NAV1: variants seen among roughly 807,000 people sequenced by gnomAD.
The protein encoded by NAV1 is neuron navigator 1.
Under a neutral mutation model 175.2 loss-of-function variants are expected in NAV1, and 18 were observed. The observed-to-expected ratio is 0.10, with a 90% CI of 0.07 to 0.15. The LOEUF is 0.15. Among genes scored for constraint, NAV1 ranks in the 10% least tolerant of loss-of-function variants. The pLI is 1.00. For missense variants in NAV1, 1,731 were observed against 2,436.6 expected (o/e 0.71, Z 6.10); for synonymous variants, 897 against 978.7 (o/e 0.92, Z 1.56).
chr1:201,670,059 C>T (rs747111587), intron 1 of NAV1, among the ~76,000 whole-genome samples: 2 of 151,586 alleles, frequency 1.3e-5, no homozygotes, highest in South Asian at 2.1e-4. Context: ...AATTTGATAA[C>T]AAAACCCTTT....
chr1:201,651,697 C>T (rs982823676), intron 1 of NAV1, among the ~76,000 whole-genome samples: 1 of 152,110 alleles, frequency 6.6e-6, no homozygotes, highest in Non-Finnish European at 1.5e-5. Flanking sequence ...GAGGAAGAGT[C>T]AGCAGGCAGA....
At chr1:201,576,155 C>T (rs1341849065) in intron 1 of NAV1, among the ~76,000 whole-genome samples, 1 of 152,230 alleles carries the variant, frequency 6.6e-6, no homozygotes, top group African/African-American at 2.4e-5. Flanking sequence ...GGCACGCCCA[C>T]TTCTCTCCTG....
chr1:201,601,923 G>C (rs1667524717), intron 2 of NAV1, among the ~76,000 whole-genome samples: 1 of 152,104 alleles, frequency 6.6e-6, no homozygotes, highest in African/African-American at 2.4e-5. Flanking sequence ...GTGTCGAGGA[G>C]GGGATCCACA....
chr1:201,800,764 G>A (rs770336295), intron 15 of NAV1, among the ~76,000 whole-genome samples: 2 of 147,676 alleles, frequency 1.4e-5, no homozygotes, highest in African/African-American at 5.0e-5. Context: ...ATATGGATAC[G>A]TATATTCATT....
rs558398681 is a variant in NAV1 at position 201,787,716 on chromosome 1, T to C, written c.2996-752T>C. 2.2e-6 allele frequency: 1 copy of C among 456,176 alleles called. No individual in the cohort carries two copies. The highest frequency in any genetic ancestry group is 4.4e-6 in the Non-Finnish European group (1 of 226,926). The allele number at this position is 456,176 out of a possible 1,614,324, so 28.3% of individuals were successfully genotyped here. Reference sequence around the variant, plus strand: ...GAGGCAGAAGAATAGACAAGGGAGCTCCTTGTGGGTATGAAACCCTGAAAG... The same window carrying C: ...GAGGCAGAAGAATAGACAAGGGAGCCCCTTGTGGGTATGAAACCCTGAAAG... On this transcript the variant is annotated intron_variant, in intron 9 of 29. Coordinates refer to ENST00000367296, the Ensembl canonical transcript of NAV1. This position sits in a 1 kb window ranked among gnomAD's most constrained non-coding sequence, Gnocchi z 4.3.
At chr1:201,804,163 G>C (rs1004016489) in intron 16 of NAV1, 8 of 481,876 alleles carry the variant, frequency 1.7e-5, no homozygotes, top group Non-Finnish European at 2.6e-5. Context: ...TTACTTCAAA[G>C]GACTCTTTAT....
intron 3 of NAV1, among the ~76,000 whole-genome samples, chr1:201,729,343 G>C (rs1312312871): frequency 2.6e-5 from 4 of 152,220 alleles, no homozygotes; most frequent in Non-Finnish European, 5.9e-5. Context: ...GTGAAATATA[G>C]TGTATGTAAT....
chr1:201,763,298 A>C (rs1674975640), intron 3 of NAV1, among the ~76,000 whole-genome samples: 1 of 152,248 alleles, frequency 6.6e-6, no homozygotes, highest in South Asian at 2.1e-4. Context: ...TAGAGATAGA[A>C]GTACATACTC....
chr1:201,783,163 A>T (rs1431957449), intron 6 of NAV1, among the ~76,000 whole-genome samples: 2 of 152,196 alleles, frequency 1.3e-5, no homozygotes, highest in African/African-American at 2.4e-5. Flanking sequence ...TTACACATAT[A>T]TACCTATTTG....
rs547339724 is a variant in NAV1 at position 201,602,152 on chromosome 1, C to T, written c.-33+13503C>T. 2.5e-3 allele frequency among the ~76,000 whole-genome samples: 375 copies of T among 152,300 alleles called. 3 individuals are homozygous for T. The highest frequency in any genetic ancestry group is 8.8e-3 in the African/African-American group (364 of 41,564). ...GCCACCAGCATCAGAGGACTTCTTT[C>T]TCCACCAAATCACTGTCAAGGCCAC... On this transcript the variant is annotated intron_variant, in intron 2 of 33. Coordinates refer to the NAV1 transcript ENST00000685211.
rs372317704 is a variant in NAV1 at position 201,786,743 on chromosome 1, A to G, written c.2995+166A>G. Reference sequence around the variant, plus strand: ...CCACCCAAAGTAAGATTGAAGGTAGAGTACTTTGAGATCCTAAACTGAAAA... The same window carrying G: ...CCACCCAAAGTAAGATTGAAGGTAGGGTACTTTGAGATCCTAAACTGAAAA... On this transcript the variant is annotated intron_variant, in intron 9 of 29. Coordinates refer to ENST00000367296, the Ensembl canonical transcript of NAV1. Among the ~76,000 whole-genome samples, 2 of 152,224 alleles carry G rather than the reference A, an allele frequency of 1.3e-5. No homozygotes were observed. The highest frequency in any genetic ancestry group is 6.5e-5 in the Admixed American group (1 of 15,282).
At position 201,698,754 on chromosome 1, in the gene NAV1, G is replaced by A. The variant is rs368832389; in HGVS notation, c.758-14063G>A. Among the ~76,000 whole-genome samples, 22 of 152,360 alleles carry A rather than the reference G, an allele frequency of 1.4e-4. No homozygotes were observed. In the Middle Eastern group the frequency reaches 0.01, roughly 71 times the overall value. On this transcript the variant is annotated intron_variant, in intron 1 of 29. Coordinates refer to ENST00000367296, the Ensembl canonical transcript of NAV1. Reference sequence around the variant, plus strand: ...GGTAGGTTCTGCGAAAGGAAGTGATGTCAGGGATTTAGGGACAGGCCTGGG... The same window carrying A: ...GGTAGGTTCTGCGAAAGGAAGTGATATCAGGGATTTAGGGACAGGCCTGGG...
At position 201,718,354 on chromosome 1, in the gene NAV1, C is replaced by T. The variant is rs368067583; in HGVS notation, c.861-36C>T. The T allele has an allele frequency of 2.0e-6, 3 of 1,496,814 alleles. No homozygotes were observed. The African/African-American group carries it at 4.2e-5, about 21-fold the overall frequency. The allele number at this position is 1,496,814 out of a possible 1,614,324, so 92.7% of individuals were successfully genotyped here. A position where few individuals can be genotyped will look rare whatever the true frequency, so the allele number is the denominator to read the frequency against. On this transcript the variant is annotated intron_variant, in intron 2 of 29. Coordinates refer to ENST00000367296, the Ensembl canonical transcript of NAV1. This position sits in a 1 kb window ranked among gnomAD's most constrained non-coding sequence, Gnocchi z 4.8. ...GGGGACAGGGCACACGGCGGCTGTG[C>T]CAAGGACTAAGTAGTGCCTTCTGCT...
At chr1:201,576,561 C>T (rs1666695323) in intron 1 of NAV1, among the ~76,000 whole-genome samples, 2 of 148,350 alleles carry the variant, frequency 1.3e-5, no homozygotes, top group South Asian at 4.4e-4. Context: ...GGCAACACAG[C>T]GAGACCCTCT....
chr1:201,595,408 A>AG, intron 2 of NAV1, among the ~76,000 whole-genome samples: 1 of 152,330 alleles, frequency 6.6e-6, no homozygotes, highest in Non-Finnish European at 1.5e-5. Flanking sequence ...AGATCTTCAG[A>AG]GGCTCCAGCC....
intron 1 of NAV1, among the ~76,000 whole-genome samples, chr1:201,549,334 G>A (rs1055496864): frequency 2.6e-5 from 4 of 151,844 alleles, no homozygotes; most frequent in Non-Finnish European, 5.9e-5. Context: ...GCAGCCTCCC[G>A]AGTAGCTGGG....
At chr1:201,610,415 G>A (rs1439303188) in intron 2 of NAV1, among the ~76,000 whole-genome samples, 1 of 152,206 alleles carries the variant, frequency 6.6e-6, no homozygotes, top group African/African-American at 2.4e-5. Context: ...TGAGAAACAA[G>A]CCCCTAGAAT....
chr1:201,617,819 C>T (rs2102268872), intron 2 of NAV1, among the ~76,000 whole-genome samples: 1 of 152,286 alleles, frequency 6.6e-6, no homozygotes, highest in South Asian at 2.1e-4. Context: ...TAACATTATG[C>T]ATCTCAAGAC....
chr1:201,579,378 CAG>C (rs1666782102), intron 1 of NAV1, among the ~76,000 whole-genome samples: 1 of 152,118 alleles, frequency 6.6e-6, no homozygotes, highest in Admixed American at 6.5e-5. Context: ...TATTTTGAGA[CAG>C]AGTCTTACTC....
Sources: gnomAD v4.1 joint callset for allele counts (sites outside exome capture counted in the v4.1 genomes callset) on GRCh38, gnomAD v4.1.1 for gene constraint, Gnocchi (gnomAD v3.1) non-coding constraint, MANE v1.5 for transcripts, NCBI Gene and HGNC (gene_info 2026-07-23, HGNC 2026-07-21) for gene names.